Variants in TRAPPC9 observed in about 807,000 individuals in gnomAD.
TRAPPC9 encodes the protein IKK2 binding protein.
In TRAPPC9, 83 loss-of-function variants were observed where a neutral mutation model predicts 124.0. The observed-to-expected ratio is 0.67, with a 90% CI of 0.56 to 0.80. The LOEUF is 0.80. Ranked by LOEUF, TRAPPC9 falls within the 30% of genes least tolerant of loss-of-function variation. The pLI, the probability that TRAPPC9 is intolerant of heterozygous loss-of-function variation, is 0.00. For synonymous variants in TRAPPC9, 638 were observed against 617.5 expected (o/e 1.03, Z -0.49); for missense variants, 1,302 against 1,508.3 (o/e 0.86, Z 2.27).
intron 1 of TRAPPC9, among the ~76,000 whole-genome samples, chr8:140,457,095 G>A (rs1174234441): frequency 6.6e-6 from 1 of 152,246 alleles, no homozygotes; most frequent in Non-Finnish European, 1.5e-5. Context: ...CAGGAGACAG[G>A]AGGGAAAGGG....
chr8:140,384,061 C>G (rs2068686409), intron 7 of TRAPPC9, among the ~76,000 whole-genome samples: 1 of 152,170 alleles, frequency 6.6e-6, no homozygotes, highest in Middle Eastern at 3.4e-3. Context: ...TCCAGCCAAA[C>G]TAAGCTTCAT....
intron 17 of TRAPPC9, among the ~76,000 whole-genome samples, chr8:140,195,054 T>C (rs1342297141): frequency 6.6e-6 from 1 of 151,752 alleles, no homozygotes; most frequent in Non-Finnish European, 1.5e-5. Context: ...ACTGTACAGA[T>C]CACGCCTGTG....
At chr8:140,349,443 G>A (rs1231457937) in intron 9 of TRAPPC9, among the ~76,000 whole-genome samples, 2 of 145,048 alleles carry the variant, frequency 1.4e-5, no homozygotes, top group African/African-American at 2.6e-5. Flanking sequence ...GGGGGCGCGC[G>A]AGGGAAGGGC....
chr8:139,738,206 C>A (rs1340502666), intron 21 of TRAPPC9, among the ~76,000 whole-genome samples: 1 of 152,154 alleles, frequency 6.6e-6, no homozygotes, highest in Admixed American at 6.5e-5. Context: ...CCTGTGCCCA[C>A]GGCAGCCCGT....
chr8:139,955,767 C>T (rs1418550155), intron 19 of TRAPPC9, among the ~76,000 whole-genome samples: 4 of 152,160 alleles, frequency 2.6e-5, no homozygotes, highest in Admixed American at 6.5e-5. Context: ...GTTTCCTGTT[C>T]GTGAGGGCTG....
chr8:139,996,327 C>T (rs558966681), intron 18 of TRAPPC9, among the ~76,000 whole-genome samples: 2 of 151,812 alleles, frequency 1.3e-5, no homozygotes, highest in African/African-American at 4.8e-5. Flanking sequence ...AGAGAACATT[C>T]CACCCAAAAG....
chr8:140,289,413 T>C (rs967410455), intron 12 of TRAPPC9, among the ~76,000 whole-genome samples: 1 of 152,202 alleles, frequency 6.6e-6, no homozygotes, highest in Non-Finnish European at 1.5e-5. Context: ...GGCAAATATA[T>C]TGGCATTTAT....
chr8:139,983,697 G>A (rs75755010), intron 19 of TRAPPC9, among the ~76,000 whole-genome samples: 9,934 of 152,084 alleles, frequency 0.065, 455 homozygotes, highest in African/African-American at 0.14. Context: ...TGGACTTTAC[G>A]ATCTTGAACC....
chr8:139,902,306 C>G, intron 20 of TRAPPC9, among the ~76,000 whole-genome samples: 1 of 152,190 alleles, frequency 6.6e-6, no homozygotes, highest in East Asian at 1.9e-4. Flanking sequence ...TTGGGGGAGG[C>G]AGCAATCAAA....
Position 140,252,541 on chromosome 8 carries a change from AG to A in TRAPPC9, c.2431+235del. Reference sequence around the variant, plus strand: ...ATTTAGAATGACCTGCTGGTAAATGAGTACAAAATAATAAAGAGTGAGAATT... The same window carrying A: ...ATTTAGAATGACCTGCTGGTAAATGATACAAAATAATAAAGAGTGAGAATT... On this transcript the variant is annotated intron_variant, in intron 16 of 22. Coordinates refer to ENST00000438773, the MANE Select transcript of TRAPPC9 (RefSeq NM_001160372.4). The surrounding 1 kb of genome is among the most constrained non-coding windows in gnomAD (Gnocchi z 4.2). The A allele has an allele frequency of 1.9e-6, 1 of 523,302 alleles. No homozygotes were observed. Among genetic ancestry groups the A allele is most frequent in the South Asian group, 2.4e-5 (1 of 41,814 alleles). 32.4% of individuals were successfully genotyped at this position (523,302 alleles called of 1,614,324 possible).
intron 15 of TRAPPC9, among the ~76,000 whole-genome samples, chr8:140,272,185 T>TATGGTGGTG (rs1387844362): frequency 1.5e-5 from 1 of 68,426 alleles, no homozygotes; most frequent in African/African-American, 6.8e-5. Flanking sequence ...TGGTGGTGGT[T>TATGGTGGTG]ATGGTGGTGA....
intron 21 of TRAPPC9, among the ~76,000 whole-genome samples, chr8:139,804,549 A>G (rs1473062551): frequency 9.4e-6 from 1 of 106,036 alleles, no homozygotes; most frequent in African/African-American, 3.7e-5. Flanking sequence ...ACCACCCACC[A>G]CCGCCACCAA....
At chr8:139,740,672 G>A (rs1233849330) in intron 21 of TRAPPC9, among the ~76,000 whole-genome samples, 1 of 152,240 alleles carries the variant, frequency 6.6e-6, no homozygotes, top group Non-Finnish European at 1.5e-5. Flanking sequence ...GTGGTAGGCA[G>A]GGGAGGCAGT....
At chr8:140,434,945 G>A (rs937208040) in intron 4 of TRAPPC9, among the ~76,000 whole-genome samples, 167 bp downstream of exon 4, 9 of 151,540 alleles carry the variant, frequency 5.9e-5, no homozygotes, top group Non-Finnish European at 8.8e-5. Flanking sequence ...ACTCCAGCCC[G>A]GGCAACAGTG....
chr8:140,096,976 A>T (rs1845000666), intron 17 of TRAPPC9: 1 of 152,504 alleles, frequency 6.6e-6, no homozygotes, highest in Admixed American at 6.5e-5. Context: ...CGGCTGGGCC[A>T]GCCCATCCAG....
chr8:139,984,984 C>CCAATAAAT lies in TRAPPC9; in HGVS notation c.2810+3741_2810+3742insATTTATTG, dbSNP rs1837152823. ...GTCCCAATGTGTTGCCAATCCCCAG[C>CCAATAAAT]GAGGAGGGGCCCTTATTTATTCTTC... On this transcript the variant is annotated intron_variant, in intron 19 of 22. Transcript: ENST00000438773. This position sits in a 1 kb window ranked among gnomAD's most constrained non-coding sequence, Gnocchi z 4.3. Among the ~76,000 whole-genome samples, 1 of 152,150 alleles carries CCAATAAAT rather than the reference C, an allele frequency of 6.6e-6. No homozygotes were observed. Among genetic ancestry groups the CCAATAAAT allele is most frequent in the African/African-American group, 2.4e-5 (1 of 41,434 alleles).
chr8:140,360,234 A>C (rs2067908553), intron 8 of TRAPPC9, 41 bp from the exon 9 acceptor site: 3 of 1,613,220 alleles, frequency 1.9e-6, no homozygotes, highest in African/African-American at 2.7e-5. Flanking sequence ...GTGCTTGGAG[A>C]GGGTACAGGA....
At chr8:140,128,250 G>A (rs1261052531) in intron 17 of TRAPPC9, among the ~76,000 whole-genome samples, 2 of 152,144 alleles carry the variant, frequency 1.3e-5, no homozygotes, top group Admixed American at 6.6e-5. Context: ...CAGCCCAAGT[G>A]TGGTTTCATT....
At chr8:140,381,033 T>C (rs554321121) in intron 7 of TRAPPC9, among the ~76,000 whole-genome samples, 1 of 151,972 alleles carries the variant, frequency 6.6e-6, no homozygotes, top group South Asian at 2.1e-4. Flanking sequence ...TATGAAACCC[T>C]GTCTTTACTA....
Sources: allele counts gnomAD v4.1 joint callset (sites outside exome capture counted in the v4.1 genomes callset), GRCh38; gene constraint gnomAD v4.1.1; non-coding constraint Gnocchi (gnomAD v3.1); transcripts MANE v1.5; gene names NCBI Gene and HGNC (gene_info 2026-07-23, HGNC 2026-07-21).